Variants in QKI observed in about 807,000 individuals in gnomAD.
QKI encodes KH domain-containing RNA-binding protein QKI.
A neutral mutation model predicts 39.0 loss-of-function variants in QKI; 10 were observed. That is an observed-to-expected ratio of 0.26 (90% confidence interval 0.16 to 0.43). The LOEUF is 0.43. Among genes scored for constraint, QKI ranks in the 20% least tolerant of loss-of-function variants. The pLI is 1.00. For missense variants in QKI, 218 were observed against 428.0 expected, an observed-to-expected ratio of 0.51 and a Z score of 4.33; for synonymous variants, 204 against 155.4, an observed-to-expected ratio of 1.31 and a Z score of -2.33.
chr6:163,452,196 A>G (rs1229897646), intron 1 of QKI, among the ~76,000 whole-genome samples: 3 of 152,202 alleles, frequency 2.0e-5, no homozygotes, highest in Non-Finnish European at 4.4e-5. Flanking sequence ...GAATAACACC[A>G]GAATGCTGAT....
At chr6:163,463,071 A>G (rs1459338413) in intron 2 of QKI, among the ~76,000 whole-genome samples, 1 of 152,226 alleles carries the variant, frequency 6.6e-6, no homozygotes, top group Admixed American at 6.5e-5. Flanking sequence ...TAGGTGGGGA[A>G]GAAATGATAA....
At chr6:163,454,800 CTGTT>C (rs1790806733) in intron 1 of QKI, among the ~76,000 whole-genome samples, 1 of 152,162 alleles carries the variant, frequency 6.6e-6, no homozygotes, top group Admixed American at 6.5e-5. Flanking sequence ...TTGAACATCT[CTGTT>C]TGGATATTCC....
chr6:163,445,894 G>A (rs997230546), intron 1 of QKI, among the ~76,000 whole-genome samples: 29 of 152,194 alleles, frequency 1.9e-4, no homozygotes, highest in Admixed American at 3.3e-4. Context: ...GATTACAGGC[G>A]TGAGCCATCG....
At chr6:163,494,502 C>T (rs1778275093) in intron 3 of QKI, among the ~76,000 whole-genome samples, 2 of 152,158 alleles carry the variant, frequency 1.3e-5, no homozygotes, top group Admixed American at 6.5e-5. Context: ...CATTCAGACA[C>T]GCACACAGTG....
chr6:163,443,298 C>T (rs1789892653), intron 1 of QKI, among the ~76,000 whole-genome samples: 1 of 152,206 alleles, frequency 6.6e-6, no homozygotes, highest in South Asian at 2.1e-4. Flanking sequence ...TCACCGGGTA[C>T]AGTGGCTCAC....
chr6:163,461,179 C>G (rs1791321886), intron 2 of QKI, among the ~76,000 whole-genome samples: 3 of 152,106 alleles, frequency 2.0e-5, no homozygotes, highest in Admixed American at 2.0e-4. Flanking sequence ...TTATTTCACT[C>G]TGTAAGGGTA....
chr6:163,444,901 C>G (rs1245581722), intron 1 of QKI, among the ~76,000 whole-genome samples: 1 of 151,924 alleles, frequency 6.6e-6, no homozygotes, highest in Non-Finnish European at 1.5e-5. Context: ...AAAGCAAACA[C>G]TTTTTAATTA....
In QKI at chr6:163,415,127, C is replaced by T. The variant is rs1787322942; in HGVS notation, c.-67C>T. On this transcript the variant is annotated 5_prime_UTR_variant, in exon 1 of 8. Transcript: ENST00000361752. ...GCGGCCCGCGGCCGGGGCTCGCCCC[C>T]GCCCCTCCCTCCTCTCCGGCGGCGG... The T allele has an allele frequency of 8.1e-7, 1 of 1,229,046 alleles. No homozygotes were observed. The highest frequency in any genetic ancestry group is 1.0e-6 in the Non-Finnish European group (1 of 961,962). 76.1% of individuals were successfully genotyped at this position (1,229,046 alleles called of 1,614,324 possible).
At chr6:163,447,273 A>G (rs1243452947) in intron 1 of QKI, among the ~76,000 whole-genome samples, 1 of 117,752 alleles carries the variant, frequency 8.5e-6, no homozygotes, top group Non-Finnish European at 1.7e-5. Flanking sequence ...TTTTTTTGCT[A>G]CATACATAGA....
At chr6:163,559,593 C>G (rs975464957) in intron 4 of QKI, among the ~76,000 whole-genome samples, 6 of 152,142 alleles carry the variant, frequency 3.9e-5, no homozygotes, top group Admixed American at 1.3e-4. Flanking sequence ...TACAGGCATG[C>G]CAGTATCCAC....
chr6:163,457,102 A>T (rs947111201), intron 2 of QKI, among the ~76,000 whole-genome samples: 2 of 151,998 alleles, frequency 1.3e-5, no homozygotes, highest in African/African-American at 4.8e-5. Flanking sequence ...TAGGTTTTTC[A>T]CTATCCTGGA....
At chr6:163,424,555 A>G (rs183310741) in intron 1 of QKI, among the ~76,000 whole-genome samples, 5 of 152,252 alleles carry the variant, frequency 3.3e-5, no homozygotes, top group East Asian at 1.9e-4. Flanking sequence ...TGCCCTGCCA[A>G]CCTCAAATCC....
intron 1 of QKI, among the ~76,000 whole-genome samples, chr6:163,441,628 T>A (rs1015481234): frequency 1.3e-5 from 2 of 152,062 alleles, no homozygotes; most frequent in Non-Finnish European, 2.9e-5. Context: ...GGATCTGGAG[T>A]GTTCCTATGG....
At chr6:163,451,649 T>C (rs895646093) in intron 1 of QKI, among the ~76,000 whole-genome samples, 2 of 152,132 alleles carry the variant, frequency 1.3e-5, no homozygotes, top group African/African-American at 4.8e-5. Flanking sequence ...TGTTGGGAGA[T>C]TTTTTGTACT....
intron 4 of QKI, among the ~76,000 whole-genome samples, chr6:163,551,447 A>T (rs992407930): frequency 3.9e-5 from 6 of 152,208 alleles, no homozygotes; most frequent in African/African-American, 1.4e-4. Context: ...CCTAACTCTG[A>T]GGTTCAAGAT....
At chr6:163,538,351 G>A (rs1781322940) in intron 4 of QKI, among the ~76,000 whole-genome samples, 1 of 152,184 alleles carries the variant, frequency 6.6e-6, no homozygotes, top group African/African-American at 2.4e-5. Flanking sequence ...ATAGAGAACT[G>A]GGATTAGGGA....
intron 2 of QKI, among the ~76,000 whole-genome samples, chr6:163,460,846 A>G (rs192706306): frequency 1.3e-5 from 2 of 152,218 alleles, no homozygotes; most frequent in African/African-American, 2.4e-5. Context: ...CCAGGTTAAC[A>G]CTTGATTTTT....
At chr6:163,476,208 T>G (rs527878304) in intron 2 of QKI, among the ~76,000 whole-genome samples, 1 of 152,154 alleles carries the variant, frequency 6.6e-6, no homozygotes, top group East Asian at 1.9e-4. Flanking sequence ...CAAAATAAAT[T>G]TTTATACTAT....
At chr6:163,556,133 C>G (rs1782587844) in intron 4 of QKI, among the ~76,000 whole-genome samples, 1 of 152,156 alleles carries the variant, frequency 6.6e-6, no homozygotes, top group Admixed American at 6.5e-5. Context: ...TAATGAAGAT[C>G]TAGTGTCTAA....
Sources: gnomAD v4.1 joint callset for allele counts (sites outside exome capture counted in the v4.1 genomes callset) on GRCh38, gnomAD v4.1.1 for gene constraint, MANE v1.5 for transcripts, NCBI Gene and HGNC (gene_info 2026-07-23, HGNC 2026-07-21) for gene names.